MEGF11: variants seen among roughly 807,000 people sequenced by gnomAD.
MEGF11 encodes the protein multiple EGF like domains 11.
In MEGF11, 126 loss-of-function variants were observed where a neutral mutation model predicts 146.6. That is an observed-to-expected ratio of 0.86 (90% CI 0.74 to 1.00). The LOEUF (loss-of-function observed/expected upper bound fraction) is 1.00. MEGF11 is among the 50% of genes least tolerant of loss of function. The probability of loss-of-function intolerance (pLI) is 0.00; values close to 1 mark genes in which losing one functional copy is unlikely to be tolerated. For synonymous variants in MEGF11, 532 were observed against 583.4 expected, an observed-to-expected ratio of 0.91 and a Z score of 1.27; for missense variants, 1,509 against 1,521.2, an observed-to-expected ratio of 0.99 and a Z score of 0.13.
intron 5 of MEGF11, among the ~76,000 whole-genome samples, chr15:66,007,086 G>T (rs2082542613): frequency 6.6e-6 from 1 of 152,214 alleles, no homozygotes; most frequent in Non-Finnish European, 1.5e-5. Context: ...CTGTTGACCT[G>T]CCTGGGGCTG....
chr15:66,212,430 T>C lies in MEGF11; in HGVS notation c.-9+41175A>G, dbSNP rs769338985. Among the ~76,000 whole-genome samples the C allele has an allele frequency of 2.0e-3, 310 of 152,076 alleles. 1 individual carries two copies. Among genetic ancestry groups the C allele is most frequent in the Non-Finnish European group, 3.2e-3 (217 of 67,898 alleles). ...GGGGGACTGGCTGCAAAAGGGAAGCTAGGGTGCCCTCCCTGGCCCTACCCT... is the reference window on the plus strand; with the variant it reads ...GGGGGACTGGCTGCAAAAGGGAAGCCAGGGTGCCCTCCCTGGCCCTACCCT... On this transcript the variant is annotated intron_variant, in intron 1 of 25. Transcript: ENST00000395614.
At chr15:66,055,660 A>G (rs2084644801) in intron 5 of MEGF11, among the ~76,000 whole-genome samples, 1 of 152,228 alleles carries the variant, frequency 6.6e-6, no homozygotes, top group Non-Finnish European at 1.5e-5. Context: ...TCACGTAAAG[A>G]TCTTGCCTGT....
chr15:66,120,258 A>G (rs2087956315), intron 3 of MEGF11, among the ~76,000 whole-genome samples: 1 of 152,238 alleles, frequency 6.6e-6, no homozygotes, highest in African/African-American at 2.4e-5. Flanking sequence ...GGGTATTCAT[A>G]GGCAAAGCCC....
intron 1 of MEGF11, among the ~76,000 whole-genome samples, chr15:66,133,299 C>A (rs1472927953): frequency 2.0e-5 from 3 of 152,224 alleles, no homozygotes; most frequent in Non-Finnish European, 2.9e-5. Flanking sequence ...GGCAGTAGCT[C>A]AAGCTGCAGT....
intron 1 of MEGF11, among the ~76,000 whole-genome samples, chr15:66,244,132 G>A (rs1027656880): frequency 6.6e-6 from 1 of 152,130 alleles, no homozygotes; most frequent in Non-Finnish European, 1.5e-5. Flanking sequence ...CCTGAGAAGT[G>A]CCTGCTCAAC....
intron 1 of MEGF11, among the ~76,000 whole-genome samples, chr15:66,132,500 G>A (rs1368447041): frequency 6.6e-6 from 1 of 152,192 alleles, no homozygotes; most frequent in Non-Finnish European, 1.5e-5. Flanking sequence ...CCATCTTCCC[G>A]TGATCCTTTG....
chr15:65,928,221 C>T (rs1014375766), intron 13 of MEGF11, among the ~76,000 whole-genome samples: 3 of 152,096 alleles, frequency 2.0e-5, no homozygotes, highest in African/African-American at 7.2e-5. Context: ...GTGCCTTGGA[C>T]AGAGCTTATA....
At position 66,246,273 on chromosome 15, in the gene MEGF11, AT is replaced by A. The variant is rs149532168; in HGVS notation, c.-9+7331del. Among the ~76,000 whole-genome samples, 1,283 of 151,086 alleles carry A rather than the reference AT, an allele frequency of 8.5e-3. 19 individuals carry two copies. The highest frequency in any genetic ancestry group is 0.03 in the African/African-American group (1,216 of 41,204). Reference sequence around the variant, plus strand: ...CCTCCATCTCAAAAATAATTAATTAATTTTTTTTTTAAAAAAAGCAAGTCGA... The same window carrying A: ...CCTCCATCTCAAAAATAATTAATTAATTTTTTTTTAAAAAAAGCAAGTCGA... On this transcript the variant is annotated intron_variant, in intron 1 of 25. Transcript: ENST00000395614.
intron 1 of MEGF11, among the ~76,000 whole-genome samples, chr15:66,189,458 A>G (rs2090811471): frequency 6.6e-6 from 1 of 152,186 alleles, no homozygotes; most frequent in African/African-American, 2.4e-5. Flanking sequence ...CATTGCGCAC[A>G]TGGGGAAGCT....
chr15:66,025,496 G>A (rs2083296982), intron 5 of MEGF11, among the ~76,000 whole-genome samples: 1 of 152,194 alleles, frequency 6.6e-6, no homozygotes, highest in Non-Finnish European at 1.5e-5. Flanking sequence ...CTGAGGACAA[G>A]GGTAGCACGG....
At chr15:66,113,231 C>T (rs533218814) in intron 4 of MEGF11, among the ~76,000 whole-genome samples, 9 of 152,276 alleles carry the variant, frequency 5.9e-5, no homozygotes, top group African/African-American at 2.2e-4. Flanking sequence ...AGGGTTGGCA[C>T]AGTCCCTTTC....
At chr15:65,907,551 T>A (rs929117741) in intron 23 of MEGF11, among the ~76,000 whole-genome samples, 2 of 152,148 alleles carry the variant, frequency 1.3e-5, no homozygotes, top group African/African-American at 4.8e-5. Flanking sequence ...TGCCTCAGCC[T>A]CCCAAAGTGC....
rs142724824 is a variant in MEGF11, at chr15:66,112,145, T to C, written c.301+6941A>G. ...CATAATGGAGAATCAGCAGGCTCCA[T>C]GAACAGGAGAATTGATACTCTAGGA... On this transcript the variant is annotated intron_variant, in intron 4 of 25. Transcript: ENST00000395614. 2.3e-3 allele frequency among the ~76,000 whole-genome samples: 351 copies of C among 149,920 alleles called. 4 individuals are homozygous for C. The highest frequency in any genetic ancestry group is 4.7e-3 in the East Asian group (24 of 5,126).
intron 17 of MEGF11, 44 bp from the exon 18 acceptor site, chr15:65,916,320 G>A: frequency 6.5e-7 from 1 of 1,530,164 alleles, no homozygotes; most frequent in Non-Finnish European, 8.8e-7. Context: ...CTGCTGGGTG[G>A]GGACAAGGGG....
chr15:65,979,869 T>C, intron 7 of MEGF11, among the ~76,000 whole-genome samples: 1 of 152,170 alleles, frequency 6.6e-6, no homozygotes, highest in African/African-American at 2.4e-5. Context: ...TTGAGGCTTT[T>C]TTCAGGGTCA....
intron 1 of MEGF11, among the ~76,000 whole-genome samples, chr15:66,186,668 G>A (rs73471970): frequency 0.017 from 2,636 of 152,290 alleles, 94 homozygotes; most frequent in African/African-American, 0.061. Flanking sequence ...CACCCCTGCT[G>A]AGCCTCCACC....
intron 1 of MEGF11, among the ~76,000 whole-genome samples, chr15:66,231,065 T>G (rs1016801869): frequency 6.6e-6 from 1 of 151,760 alleles, no homozygotes; most frequent in African/African-American, 2.4e-5. Flanking sequence ...TAAATAATTT[T>G]AGAAAATACT....
At chr15:65,942,462 C>T (rs1313183135) in intron 10 of MEGF11, among the ~76,000 whole-genome samples, 1 of 152,082 alleles carries the variant, frequency 6.6e-6, no homozygotes, top group Non-Finnish European at 1.5e-5. Flanking sequence ...GAATAACAGG[C>T]AGTGGGAGTG....
chr15:66,107,784 G>A (rs1356397173), intron 4 of MEGF11, among the ~76,000 whole-genome samples: 1 of 152,156 alleles, frequency 6.6e-6, no homozygotes, highest in African/African-American at 2.4e-5. Flanking sequence ...AGTGTACCCT[G>A]GAAAAGCCAG....
Sources: allele counts gnomAD v4.1 joint callset (sites outside exome capture counted in the v4.1 genomes callset), GRCh38; gene constraint gnomAD v4.1.1; transcripts MANE v1.5; gene names NCBI Gene and HGNC (gene_info 2026-07-23, HGNC 2026-07-21).